The following BACH2 variants were observed in gnomAD, a reference collection of about 807,000 sequenced individuals.
BACH2 encodes the protein transcription regulator protein BACH2.
BACH2 carries 5 observed loss-of-function variants against 61.8 expected under a neutral mutation model. The observed-to-expected ratio is 0.08, with a 90% CI of 0.04 to 0.17. The LOEUF is 0.17. Ranked by LOEUF, BACH2 falls within the 10% of genes least tolerant of loss-of-function variation. The pLI is 1.00. For synonymous variants in BACH2, 446 were observed against 440.1 expected, an observed-to-expected ratio of 1.01 and a Z score of -0.17; for missense variants, 824 against 1,091.1, an observed-to-expected ratio of 0.76 and a Z score of 3.45.
intron 5 of BACH2, among the ~76,000 whole-genome samples, chr6:90,057,512 CA>C (rs1780429725): frequency 1.3e-5 from 2 of 152,096 alleles, no homozygotes; most frequent in Admixed American, 6.5e-5. Flanking sequence ...GTCCAGGAAC[CA>C]GGTGGATTCA....
chr6:90,200,030 C>A (rs1160749894), intron 4 of BACH2, among the ~76,000 whole-genome samples: 1 of 152,142 alleles, frequency 6.6e-6, no homozygotes, highest in Non-Finnish European at 1.5e-5. Context: ...TGAGTTGTTT[C>A]TATCAGTGTT....
At chr6:90,264,773 T>G (rs1395973982) in intron 2 of BACH2, among the ~76,000 whole-genome samples, 1 of 152,168 alleles carries the variant, frequency 6.6e-6, no homozygotes, top group Non-Finnish European at 1.5e-5. Flanking sequence ...TCCCTCCCAG[T>G]GAGACCCTGG....
chr6:90,190,069 G>A (rs1311251821), intron 4 of BACH2, among the ~76,000 whole-genome samples: 1 of 152,036 alleles, frequency 6.6e-6, no homozygotes, highest in East Asian at 1.9e-4. Flanking sequence ...TCAGCCTCCC[G>A]AGTAGCTGGG....
chr6:90,159,492 T>C (rs541883866), intron 4 of BACH2, among the ~76,000 whole-genome samples: 1 of 152,370 alleles, frequency 6.6e-6, no homozygotes, highest in Admixed American at 6.5e-5. Flanking sequence ...CAAATCCCTT[T>C]GTCTGCATTC....
intron 5 of BACH2, among the ~76,000 whole-genome samples, chr6:90,016,989 G>A (rs1778102537): frequency 6.6e-6 from 1 of 152,006 alleles, no homozygotes; most frequent in South Asian, 2.1e-4. Context: ...TGATTATGAT[G>A]TGCCTTTGTG....
At chr6:90,107,379 A>C (rs1164201146) in intron 4 of BACH2, among the ~76,000 whole-genome samples, 2 of 152,088 alleles carry the variant, frequency 1.3e-5, no homozygotes, top group South Asian at 2.1e-4. Flanking sequence ...TCAAAAAAAA[A>C]CAAAAAAACA....
intron 4 of BACH2, among the ~76,000 whole-genome samples, chr6:90,158,765 T>TGTG (rs1554253660): frequency 2.2e-5 from 3 of 137,170 alleles, no homozygotes; most frequent in African/African-American, 8.3e-5. Context: ...CTTCTTTTGG[T>TGTG]GGGGGGGGGG....
intron 5 of BACH2, among the ~76,000 whole-genome samples, chr6:90,033,843 A>C (rs1162036627): frequency 2.0e-5 from 3 of 152,202 alleles, no homozygotes; most frequent in Non-Finnish European, 4.4e-5. Context: ...CAAGCTGACT[A>C]AAAGACATGC....
At chr6:90,030,215 C>T (rs1408826791) in intron 5 of BACH2, among the ~76,000 whole-genome samples, 1 of 152,116 alleles carries the variant, frequency 6.6e-6, no homozygotes, top group Non-Finnish European at 1.5e-5. Flanking sequence ...CCAATTATGC[C>T]CTTCCTTTCC....
chr6:90,296,137 C>A (rs180959531), intron 1 of BACH2, among the ~76,000 whole-genome samples: 1 of 152,094 alleles, frequency 6.6e-6, no homozygotes, highest in Admixed American at 6.5e-5. Context: ...CCTCCCCATG[C>A]CTGACTTATT....
At chr6:90,141,378 AC>A (rs1784452818) in intron 4 of BACH2, among the ~76,000 whole-genome samples, 1 of 151,760 alleles carries the variant, frequency 6.6e-6, no homozygotes, top group Non-Finnish European at 1.5e-5. Flanking sequence ...ACGGGGTTTC[AC>A]CATGTTGACC....
At position 89,950,175 on chromosome 6, in the gene BACH2, G is replaced by C. The variant is rs548420035; in HGVS notation, c.1836+95C>G. ...CTACTGTCATCTTTAATCTTAGCAC[G>C]TAAGAACAATGTGGGAGTGGTGGGG... On this transcript the variant is annotated intron_variant, in intron 7 of 8. Coordinates refer to ENST00000257749, the MANE Select transcript of BACH2 (RefSeq NM_021813.4). This position sits in a 1 kb window ranked among gnomAD's most constrained non-coding sequence, Gnocchi z 5.3. 6 of 1,403,240 alleles carry C rather than the reference G, an allele frequency of 4.3e-6. No individual in the cohort carries two copies. The highest frequency in any genetic ancestry group is 6.1e-6 in the Non-Finnish European group (6 of 990,666). 86.9% of individuals were successfully genotyped at this position (1,403,240 alleles called of 1,614,324 possible).
intron 4 of BACH2, among the ~76,000 whole-genome samples, chr6:90,174,144 G>C (rs1231936540): frequency 6.6e-6 from 1 of 151,878 alleles, no homozygotes; most frequent in Non-Finnish European, 1.5e-5. Context: ...CCATAAGACA[G>C]TCTCATTTAT....
chr6:90,192,983 G>T (rs1284973892), intron 4 of BACH2, among the ~76,000 whole-genome samples: 1 of 152,232 alleles, frequency 6.6e-6, no homozygotes, highest in Non-Finnish European at 1.5e-5. Flanking sequence ...GAAAGATGGG[G>T]TGGCTCCTGT....
chr6:89,987,104 A>C (rs902894569), intron 6 of BACH2, among the ~76,000 whole-genome samples: 2 of 152,170 alleles, frequency 1.3e-5, no homozygotes, highest in African/African-American at 4.8e-5. Context: ...ACTCCAGGAG[A>C]TAGAATCAGG....
Position 89,951,000 on chromosome 6 carries a change from G to C in BACH2, c.1106C>G (p.Ala369Gly). The C allele has an allele frequency of 6.3e-7, 1 of 1,586,990 alleles. No individual in the cohort carries two copies. The highest frequency in any genetic ancestry group is 8.6e-7 in the Non-Finnish European group (1 of 1,167,500). Residue 369 changes from alanine to glycine, a missense_variant, in exon 7 of 9, where the codon GCC becomes GGC. By Grantham distance (60) the Ala-to-Gly change is moderately conservative. This residue lies in a region of BACH2 where 226 missense variants were observed against 228.5 expected (regional missense o/e 0.99). Transcript: ENST00000257749. The surrounding 1 kb of genome is among the most constrained non-coding windows in gnomAD (Gnocchi z 5.3). ...TSQQHFARSPACPFDKGITQG... is the reference protein window; with the variant it reads ...TSQQHFARSPGCPFDKGITQG... Reference sequence around the variant, plus strand: ...AGTGATCCCCTTGTCAAAAGGGCAGGCTGGACTCCTGGCAAAGTGCTGCTG... The same window carrying C: ...AGTGATCCCCTTGTCAAAAGGGCAGCCTGGACTCCTGGCAAAGTGCTGCTG...
intron 5 of BACH2, among the ~76,000 whole-genome samples, chr6:90,064,632 A>C (rs547259402): frequency 5.1e-4 from 77 of 152,196 alleles, no homozygotes; most frequent in Non-Finnish European, 8.1e-4. Flanking sequence ...CAGGCTTGAA[A>C]AGTCCAGCTA....
chr6:90,119,066 T>A (rs1267986848), intron 4 of BACH2, among the ~76,000 whole-genome samples: 1 of 152,326 alleles, frequency 6.6e-6, no homozygotes, highest in African/African-American at 2.4e-5. Flanking sequence ...ATATATGTTA[T>A]CATCCACCTT....
At chr6:90,091,435 C>G (rs1349780623) in intron 4 of BACH2, among the ~76,000 whole-genome samples, 1 of 152,104 alleles carries the variant, frequency 6.6e-6, no homozygotes, top group Non-Finnish European at 1.5e-5. Context: ...AAGAAACATA[C>G]AAACACATTC....
Sources: allele counts gnomAD v4.1 joint callset (sites outside exome capture counted in the v4.1 genomes callset), GRCh38; gene constraint gnomAD v4.1.1; regional missense constraint gnomAD v4.1.1; non-coding constraint Gnocchi (gnomAD v3.1); transcripts MANE v1.5; gene names NCBI Gene and HGNC (gene_info 2026-07-23, HGNC 2026-07-21).